SRRM4: variants seen among roughly 807,000 people sequenced by gnomAD.
The protein encoded by SRRM4 is serine/arginine repetitive matrix protein 4.
SRRM4 carries 33 observed loss-of-function variants against 68.9 expected under a neutral mutation model. The ratio of observed to expected loss-of-function variants is 0.48; its 90% CI spans 0.36 to 0.64. The LOEUF is 0.64. SRRM4 is among the 30% of genes least tolerant of loss of function. The probability of loss-of-function intolerance (pLI) is 0.00; values close to 1 mark genes in which losing one functional copy is unlikely to be tolerated. For synonymous variants in SRRM4, 318 were observed against 318.8 expected (o/e 1.00, Z 0.03); for missense variants, 817 against 827.1 (o/e 0.99, Z 0.15).
At chr12:119,116,857 G>T in intron 3 of SRRM4, 80 bp from the exon 4 acceptor site, 2 of 1,182,414 alleles carry the variant, frequency 1.7e-6, no homozygotes, top group Non-Finnish European at 1.2e-6. Flanking sequence ...CCCTGTATAA[G>T]GACTGGGGAA....
chr12:119,078,134 G>A (rs529963467), intron 1 of SRRM4, among the ~76,000 whole-genome samples: 24 of 152,248 alleles, frequency 1.6e-4, no homozygotes, highest in African/African-American at 3.6e-4. Flanking sequence ...CGTTATTCAC[G>A]TGTCTACTGG....
At chr12:119,151,251 C>G (rs2136068802) in intron 10 of SRRM4, 31 bp downstream of exon 10, 2 of 1,579,020 alleles carry the variant, frequency 1.3e-6, no homozygotes, top group Non-Finnish European at 1.7e-6. Context: ...TGCTCTGCAG[C>G]ACCTTTCTCC....
chr12:118,986,072 T>C (rs547396084), intron 1 of SRRM4, among the ~76,000 whole-genome samples: 2 of 152,238 alleles, frequency 1.3e-5, no homozygotes, highest in South Asian at 4.2e-4. Flanking sequence ...TTCCAAACTA[T>C]TGGAGATTTT....
chr12:119,151,414 T>C (rs1041891891), intron 10 of SRRM4, among the ~76,000 whole-genome samples, 194 bp downstream of exon 10: 15 of 150,650 alleles, frequency 1.0e-4, no homozygotes, highest in African/African-American at 3.2e-4. Flanking sequence ...ATCTGCAATA[T>C]GAAGAAATAG....
At chr12:119,036,854 G>C (rs975858801) in intron 1 of SRRM4, 1 of 152,260 alleles carries the variant, frequency 6.6e-6, no homozygotes, top group African/African-American at 2.4e-5. Flanking sequence ...CTGTGTGCAG[G>C]GTTTCCAGGG....
intron 1 of SRRM4, among the ~76,000 whole-genome samples, chr12:119,046,844 C>T (rs1953710768): frequency 6.6e-6 from 1 of 151,554 alleles, no homozygotes; most frequent in Admixed American, 6.6e-5. Context: ...AACGTGTGGA[C>T]TCTGGTGAAA....
intron 1 of SRRM4, among the ~76,000 whole-genome samples, chr12:119,085,680 A>G (rs115997473): frequency 0.01 from 1,526 of 152,256 alleles, 25 homozygotes; most frequent in African/African-American, 0.035. Flanking sequence ...ATTTTGGAAA[A>G]ACAGCTTTGT....
intron 6 of SRRM4, 134 bp from the exon 7 acceptor site, chr12:119,125,247 G>A (rs1565914114): frequency 5.3e-6 from 4 of 750,940 alleles, no homozygotes; most frequent in Non-Finnish European, 8.8e-6. Flanking sequence ...ATGGGGTTGA[G>A]GGAGATGGAG....
In SRRM4 at chr12:119,159,409, T is replaced by G. The variant is rs1424558584; in HGVS notation, c.*2611T>G. ...GTCGAAATCCCTTGTGAATGTCCCTTAGGGAGGCACCAGATTGGAGACAGA... is the reference window on the plus strand; with the variant it reads ...GTCGAAATCCCTTGTGAATGTCCCTGAGGGAGGCACCAGATTGGAGACAGA... On this transcript the variant is annotated 3_prime_UTR_variant, in exon 13 of 13. Transcript: ENST00000267260. 1 of 152,158 alleles carries G rather than the reference T, an allele frequency of 6.6e-6. No individual in the cohort carries two copies. Among genetic ancestry groups the G allele is most frequent in the East Asian group, 1.9e-4 (1 of 5,194 alleles). The allele number at this position is 152,158 out of a possible 1,614,324, so 9.4% of individuals were successfully genotyped here.
rs143191583 is a variant in SRRM4 at position 119,040,522 on chromosome 12, G to A, written c.131+58509G>A. 6.5e-3 allele frequency among the ~76,000 whole-genome samples: 992 copies of A among 152,284 alleles called. 10 individuals carry two copies. The highest frequency in any genetic ancestry group is 0.022 in the African/African-American group (934 of 41,546). On this transcript the variant is annotated intron_variant, in intron 1 of 12. Transcript: ENST00000267260. ...TCTCATCCAGGTCATTGCAAATGCT[G>A]TTAATTCATTCCTTTTTATGGCTGA...
At chr12:119,094,355 G>A (rs1474054725) in intron 1 of SRRM4, among the ~76,000 whole-genome samples, 1 of 152,178 alleles carries the variant, frequency 6.6e-6, no homozygotes, top group Admixed American at 6.5e-5. Context: ...TAGAAATGCA[G>A]AAACTCAGGC....
rs565257105 is a variant in SRRM4 at position 119,075,918 on chromosome 12, T to TGAA, written c.132-26316_132-26315insAGA. 2.6e-3 allele frequency among the ~76,000 whole-genome samples: 365 copies of TGAA among 140,198 alleles called. 5 individuals are homozygous for TGAA. Among genetic ancestry groups the TGAA allele is most frequent in the African/African-American group, 9.4e-3 (340 of 36,204 alleles). 92.0% of individuals were successfully genotyped at this position (140,198 alleles called of 152,430 possible). On this transcript the variant is annotated intron_variant, in intron 1 of 12. Coordinates refer to ENST00000267260, the MANE Select transcript of SRRM4 (RefSeq NM_194286.4). ...ATGGTAGCGATGATGGTGATGATGATGATGATGGTGGTGATGGTGATGATG... is the reference window on the plus strand; with the variant it reads ...ATGGTAGCGATGATGGTGATGATGATGAAGATGATGGTGGTGATGGTGATGATG...
chr12:119,148,953 G>A (rs1227817817), intron 9 of SRRM4, among the ~76,000 whole-genome samples: 3 of 152,194 alleles, frequency 2.0e-5, no homozygotes, highest in African/African-American at 7.2e-5. Flanking sequence ...TGAGGTGGGA[G>A]GGGTGGGGAC....
intron 1 of SRRM4, among the ~76,000 whole-genome samples, chr12:119,021,942 C>A (rs957002541): frequency 6.6e-6 from 1 of 152,060 alleles, no homozygotes; most frequent in African/African-American, 2.4e-5. Flanking sequence ...TGGGTATATA[C>A]CCAGTAATGG....
chr12:118,982,695 TC>T (rs60070764), intron 1 of SRRM4, among the ~76,000 whole-genome samples: 21,074 of 114,200 alleles, frequency 0.18, 1,729 homozygotes, highest in African/African-American at 0.24. Flanking sequence ...TTTTTTTTTT[TC>T]CAAAAAGAAT....
intron 4 of SRRM4, 50 bp downstream of exon 4, chr12:119,117,058 G>A (rs1474837555): frequency 8.5e-6 from 13 of 1,533,276 alleles, no homozygotes; most frequent in Admixed American, 3.4e-5. Context: ...GGGGTGGGGA[G>A]GACAGTTGAT....
intron 1 of SRRM4, among the ~76,000 whole-genome samples, chr12:119,043,951 C>T (rs1489532589): frequency 6.6e-5 from 10 of 152,250 alleles, no homozygotes; most frequent in South Asian, 2.1e-4. Context: ...CCACAACCTC[C>T]GCCTTCCGGT....
At chr12:119,071,852 A>C (rs1953879915) in intron 1 of SRRM4, among the ~76,000 whole-genome samples, 1 of 152,182 alleles carries the variant, frequency 6.6e-6, no homozygotes, top group Non-Finnish European at 1.5e-5. Flanking sequence ...GAAATCTCTG[A>C]GGGTGGGCTG....
chr12:119,147,398 T>C (rs904001968), intron 9 of SRRM4, among the ~76,000 whole-genome samples: 3 of 152,248 alleles, frequency 2.0e-5, no homozygotes, highest in Admixed American at 6.5e-5. Flanking sequence ...ACTGTCATTA[T>C]ACATTTGTCC....
Sources: gnomAD v4.1 joint callset for allele counts (sites outside exome capture counted in the v4.1 genomes callset) on GRCh38, gnomAD v4.1.1 for gene constraint, MANE v1.5 for transcripts, NCBI Gene and HGNC (gene_info 2026-07-23, HGNC 2026-07-21) for gene names.